The following BABAM2 variants were observed in gnomAD, a reference collection of about 807,000 sequenced individuals.
The protein encoded by BABAM2 is BRISC and BRCA1 A complex member 2, also known as BRISC and BRCA1-A complex member 2.
In BABAM2, 31 loss-of-function variants were observed where a neutral mutation model predicts 54.7. That is an observed-to-expected ratio of 0.57 (90% CI 0.43 to 0.77). The LOEUF (loss-of-function observed/expected upper bound fraction) is 0.77. BABAM2 is among the 30% of genes least tolerant of loss of function. The pLI, the probability that BABAM2 is intolerant of heterozygous loss-of-function variation, is 0.00. For synonymous variants in BABAM2, 167 were observed against 162.9 expected (o/e 1.03, Z -0.19); for missense variants, 364 against 455.8 (o/e 0.80, Z 1.83).
chr2:28,266,681 C>T (rs140626026), intron 10 of BABAM2, among the ~76,000 whole-genome samples: 34 of 152,348 alleles, frequency 2.2e-4, no homozygotes, highest in East Asian at 7.7e-4. Context: ...CATTGTCACA[C>T]GCCTGGGTCT....
At chr2:28,308,728 T>G (rs530443795) in intron 11 of BABAM2, 11 of 222,352 alleles carry the variant, frequency 4.9e-5, no homozygotes, top group Non-Finnish European at 9.8e-5. Flanking sequence ...TGTCTGAGGC[T>G]CTCTTCTCAT....
intron 5 of BABAM2, among the ~76,000 whole-genome samples, chr2:28,031,138 G>A (rs1376473755): frequency 6.6e-6 from 1 of 152,168 alleles, no homozygotes; most frequent in Non-Finnish European, 1.5e-5. Flanking sequence ...AGGAAGGGTA[G>A]TATCATAAAC....
chr2:28,034,469 A>G (rs1215365506), intron 5 of BABAM2, among the ~76,000 whole-genome samples: 4 of 152,202 alleles, frequency 2.6e-5, no homozygotes, highest in South Asian at 2.1e-4. Flanking sequence ...AGTTATTATA[A>G]CAGGTGCTCA....
chr2:28,279,816 G>A (rs904217760), intron 10 of BABAM2, among the ~76,000 whole-genome samples: 5 of 151,808 alleles, frequency 3.3e-5, no homozygotes, highest in East Asian at 1.9e-4. Context: ...ACAGGCATGC[G>A]CCACCACGCC....
chr2:28,237,528 T>C (rs1682022943), intron 8 of BABAM2, among the ~76,000 whole-genome samples: 1 of 151,148 alleles, frequency 6.6e-6, no homozygotes, highest in African/African-American at 2.5e-5. Context: ...TTTCCAGTCT[T>C]ATCTTCATCT....
chr2:27,907,109 G>T (rs1453465840), intron 2 of BABAM2, among the ~76,000 whole-genome samples: 2 of 151,916 alleles, frequency 1.3e-5, no homozygotes, highest in Non-Finnish European at 2.9e-5. Flanking sequence ...TTATTTTTTG[G>T]TGCCGTGTTG....
At chr2:28,285,243 G>A (rs921471610) in intron 10 of BABAM2, among the ~76,000 whole-genome samples, 2 of 152,162 alleles carry the variant, frequency 1.3e-5, no homozygotes, top group Non-Finnish European at 2.9e-5. Context: ...GAAAAGAGGA[G>A]CACAGAGGTC....
At chr2:28,202,437 T>G (rs1366553316) in intron 7 of BABAM2, among the ~76,000 whole-genome samples, 5 of 151,986 alleles carry the variant, frequency 3.3e-5, no homozygotes, top group African/African-American at 1.2e-4. Context: ...ATTTAAAATG[T>G]TACTTTTTCT....
chr2:27,967,536 T>C (rs1489275146), intron 3 of BABAM2, among the ~76,000 whole-genome samples: 1 of 152,160 alleles, frequency 6.6e-6, no homozygotes, highest in Non-Finnish European at 1.5e-5. Flanking sequence ...TACAGTAAAT[T>C]GGTACCAGTA....
At chr2:28,067,501 T>G (rs536659206) in intron 6 of BABAM2, among the ~76,000 whole-genome samples, 47 of 152,192 alleles carry the variant, frequency 3.1e-4, no homozygotes, top group Admixed American at 2.9e-3. Flanking sequence ...CCATCAGATA[T>G]GGCATTATAC....
intron 3 of BABAM2, among the ~76,000 whole-genome samples, chr2:27,984,617 T>A (rs1672259150): frequency 6.6e-6 from 1 of 152,056 alleles, no homozygotes; most frequent in African/African-American, 2.4e-5. Context: ...TGCTATGACT[T>A]CTTCTTCTTT....
chr2:28,144,529 A>G (rs1272019345), intron 7 of BABAM2, among the ~76,000 whole-genome samples: 2 of 152,184 alleles, frequency 1.3e-5, no homozygotes, highest in Admixed American at 1.3e-4. Flanking sequence ...AATCTTGCAT[A>G]TTCTTCAGAA....
At chr2:28,274,285 G>T (rs1036308796) in intron 10 of BABAM2, among the ~76,000 whole-genome samples, 1 of 152,084 alleles carries the variant, frequency 6.6e-6, no homozygotes. Context: ...CTGTCTAACC[G>T]AGCACTCCCA....
At chr2:28,236,035 G>T (rs145981478) in intron 7 of BABAM2, among the ~76,000 whole-genome samples, 3 of 152,252 alleles carry the variant, frequency 2.0e-5, no homozygotes, top group East Asian at 1.9e-4. Flanking sequence ...CCTTGTAACT[G>T]CAGGGTCTTG....
chr2:28,095,874 C>T (rs1666576684), intron 6 of BABAM2, among the ~76,000 whole-genome samples: 1 of 152,164 alleles, frequency 6.6e-6, no homozygotes, highest in Non-Finnish European at 1.5e-5. Context: ...GGTGATCAGG[C>T]TTGTGAGCAA....
At chr2:28,087,529 C>T (rs1177078133) in intron 6 of BABAM2, among the ~76,000 whole-genome samples, 1 of 152,150 alleles carries the variant, frequency 6.6e-6, no homozygotes, top group Non-Finnish European at 1.5e-5. Flanking sequence ...TCTGGGCCCT[C>T]TGTCGTACGA....
At chr2:28,103,885 A>G (rs1667284919) in intron 6 of BABAM2, among the ~76,000 whole-genome samples, 1 of 152,132 alleles carries the variant, frequency 6.6e-6, no homozygotes, top group Non-Finnish European at 1.5e-5. Flanking sequence ...TCCAACATCA[A>G]ATTATTCACA....
intron 6 of BABAM2, among the ~76,000 whole-genome samples, chr2:28,094,907 C>CTTT (rs202097046): frequency 7.7e-6 from 1 of 130,656 alleles, no homozygotes; most frequent in African/African-American, 2.8e-5. Flanking sequence ...GCTCCCTCTT[C>CTTT]TTTTTTTTTT....
At chr2:27,920,189 G>A (rs374122025) in intron 2 of BABAM2, among the ~76,000 whole-genome samples, 7 of 152,030 alleles carry the variant, frequency 4.6e-5, no homozygotes, top group East Asian at 1.9e-4. Context: ...TTCTTTTACC[G>A]ATTTTAATTT....
Sources: allele counts gnomAD v4.1 joint callset (sites outside exome capture counted in the v4.1 genomes callset), GRCh38; gene constraint gnomAD v4.1.1; transcripts MANE v1.5; gene names NCBI Gene and HGNC (gene_info 2026-07-23, HGNC 2026-07-21).